The following SLIT3 variants were observed in gnomAD, a reference collection of about 807,000 sequenced individuals.
SLIT3 encodes slit guidance ligand 3.
SLIT3 carries 68 observed loss-of-function variants against 184.0 expected under a neutral mutation model. That is an observed-to-expected ratio of 0.37 (90% CI 0.30 to 0.45). The LOEUF (loss-of-function observed/expected upper bound fraction) is 0.45, where lower values mean the gene tolerates loss of function less well. Among genes scored for constraint, SLIT3 ranks in the 20% least tolerant of loss-of-function variants. SLIT3 has a pLI of 1.00. For synonymous variants in SLIT3, 831 were observed against 828.6 expected, an observed-to-expected ratio of 1.00 and a Z score of -0.05; for missense variants, 1,707 against 2,026.0, an observed-to-expected ratio of 0.84 and a Z score of 3.02.
In SLIT3 at chr5:169,071,510, A is replaced by G. The variant is rs551143200; in HGVS notation, c.413+121969T>C. On this transcript the variant is annotated intron_variant, in intron 4 of 35. Transcript: ENST00000519560. The stretch of plus-strand genomic sequence containing the variant: ...TGGAGGGCACCCAGAGCGATAAATG[A>G]CTATAGTGGAAAAATGTATTATGAG... Among the ~76,000 whole-genome samples the G allele has an allele frequency of 4.6e-5, 7 of 152,318 alleles. No homozygotes were observed. In the South Asian group the frequency reaches 1.4e-3, roughly 32 times the overall value.
At chr5:168,866,221 T>A (rs1229617462) in intron 5 of SLIT3, among the ~76,000 whole-genome samples, 1 of 152,196 alleles carries the variant, frequency 6.6e-6, no homozygotes, top group African/African-American at 2.4e-5. Flanking sequence ...ATCCTCAGCT[T>A]GTAGGCCACT....
chr5:168,718,155 T>C (rs1304915714), intron 23 of SLIT3: 1 of 135,480 alleles, frequency 7.4e-6, no homozygotes, highest in African/African-American at 3.2e-5. Context: ...GATGCTCTAA[T>C]AGCTGGTCAA....
intron 4 of SLIT3, among the ~76,000 whole-genome samples, chr5:168,963,343 TG>T (rs1208001007): frequency 1.9e-4 from 29 of 152,304 alleles, no homozygotes; most frequent in African/African-American, 6.5e-4. Context: ...AGCTGATTTT[TG>T]TATTTTTAGT....
chr5:168,751,886 C>T (rs1754729056), intron 18 of SLIT3, among the ~76,000 whole-genome samples: 1 of 152,096 alleles, frequency 6.6e-6, no homozygotes, highest in African/African-American at 2.4e-5. Context: ...CACAGGTGTG[C>T]ACCACCACCA....
intron 20 of SLIT3, among the ~76,000 whole-genome samples, chr5:168,745,689 G>T: frequency 6.6e-6 from 1 of 152,214 alleles, no homozygotes; most frequent in Non-Finnish European, 1.5e-5. Context: ...TGGGATTACA[G>T]GCGTGAGCCA....
intron 5 of SLIT3, among the ~76,000 whole-genome samples, chr5:168,874,495 C>G (rs987697576): frequency 1.3e-5 from 2 of 152,218 alleles, no homozygotes; most frequent in African/African-American, 4.8e-5. Context: ...TCAACCTCTC[C>G]TTTTACGTAA....
chr5:168,844,668 AGGG>A lies in SLIT3; in HGVS notation c.486-16_486-14del. On this transcript the variant is annotated splice_polypyrimidine_tract_variant and intron_variant, in intron 5 of 35. Transcript: ENST00000519560. ...GTTGTCCAGTTGCCTGTGGAAAAGC[AGGG>A]GAGAGCATGAAGGCTGAGCGGGGGC... 2 of 1,613,956 alleles carry A rather than the reference AGGG, an allele frequency of 1.2e-6. No homozygotes were observed. Among genetic ancestry groups the A allele is most frequent in the South Asian group, 2.2e-5 (2 of 91,084 alleles).
intron 4 of SLIT3, among the ~76,000 whole-genome samples, chr5:169,048,586 C>T (rs1581350080): frequency 6.6e-6 from 1 of 152,162 alleles, no homozygotes; most frequent in Non-Finnish European, 1.5e-5. Context: ...ACCTAGTTTG[C>T]CTTACAGACT....
chr5:168,745,303 T>A lies in SLIT3; in HGVS notation c.2270+2999A>T, dbSNP rs139145146. 2.1e-3 allele frequency among the ~76,000 whole-genome samples: 318 copies of A among 152,336 alleles called. 3 individuals carry two copies. Among genetic ancestry groups the A allele is most frequent in the African/African-American group, 7.4e-3 (307 of 41,574 alleles). On this transcript the variant is annotated intron_variant, in intron 20 of 35. Coordinates refer to ENST00000519560, the MANE Select transcript of SLIT3 (RefSeq NM_003062.4). Reference sequence around the variant, plus strand: ...AAGAAATTGGTTTCTTGAAATGGAATCTACTTTTGGTGAAGATGCTGTGAA... The same window carrying A: ...AAGAAATTGGTTTCTTGAAATGGAAACTACTTTTGGTGAAGATGCTGTGAA...
intron 4 of SLIT3, among the ~76,000 whole-genome samples, chr5:169,086,539 C>T (rs1412373498): frequency 2.0e-5 from 3 of 152,164 alleles, no homozygotes; most frequent in African/African-American, 4.8e-5. Flanking sequence ...AAAAGAAATG[C>T]ACATTAGAAC....
chr5:169,027,073 G>C (rs1388981359), intron 4 of SLIT3, among the ~76,000 whole-genome samples: 3 of 152,188 alleles, frequency 2.0e-5, no homozygotes, highest in African/African-American at 7.2e-5. Context: ...ACTTAGGATG[G>C]TGGTTGAGTA....
chr5:168,893,439 A>G (rs1581186161), intron 4 of SLIT3, among the ~76,000 whole-genome samples: 3 of 152,122 alleles, frequency 2.0e-5, no homozygotes, highest in Non-Finnish European at 2.9e-5. Flanking sequence ...AACACTGTCA[A>G]TCTGAAATCC....
chr5:169,066,147 C>G (rs541582759), intron 4 of SLIT3, among the ~76,000 whole-genome samples: 5 of 152,296 alleles, frequency 3.3e-5, no homozygotes, highest in African/African-American at 9.6e-5. Context: ...AATGTAAAAA[C>G]TATTTTTGAG....
At chr5:169,253,160 A>T (rs1561768467) in intron 1 of SLIT3, among the ~76,000 whole-genome samples, 1 of 151,970 alleles carries the variant, frequency 6.6e-6, no homozygotes, top group Non-Finnish European at 1.5e-5. Flanking sequence ...AAACCTGCAG[A>T]CAGAAATCTG....
At chr5:168,892,169 A>G (rs1760487908) in intron 4 of SLIT3, among the ~76,000 whole-genome samples, 1 of 152,252 alleles carries the variant, frequency 6.6e-6, no homozygotes, top group African/African-American at 2.4e-5. Flanking sequence ...AACAGTTGAA[A>G]TTAATTTTAA....
rs138208926 is a variant in SLIT3, at chr5:168,806,935, C to T, written c.794-348G>A. ...TGGGACCACTTTCCCAGGATGCATC[C>T]TGGGGTTTTAGCTGGTATTGGACGC... On this transcript the variant is annotated intron_variant, in intron 8 of 35. Coordinates refer to ENST00000519560, the MANE Select transcript of SLIT3 (RefSeq NM_003062.4). Among the ~76,000 whole-genome samples the T allele has an allele frequency of 2.5e-3, 381 of 152,244 alleles. 2 individuals are homozygous for T. Among genetic ancestry groups the T allele is most frequent in the African/African-American group, 8.5e-3 (352 of 41,540 alleles).
chr5:169,166,748 T>G (rs1005677349), intron 4 of SLIT3, among the ~76,000 whole-genome samples: 1 of 152,128 alleles, frequency 6.6e-6, no homozygotes, highest in African/African-American at 2.4e-5. Flanking sequence ...AACTCCAGAA[T>G]GGAAGAAATG....
intron 4 of SLIT3, among the ~76,000 whole-genome samples, chr5:168,956,496 A>G (rs1466843600): frequency 6.6e-6 from 1 of 152,230 alleles, no homozygotes; most frequent in African/African-American, 2.4e-5. Flanking sequence ...CAGCTGATTC[A>G]TAAAGAATCA....
intron 4 of SLIT3, among the ~76,000 whole-genome samples, chr5:169,140,800 T>G (rs1172101563): frequency 6.6e-6 from 1 of 152,108 alleles, no homozygotes; most frequent in Non-Finnish European, 1.5e-5. Flanking sequence ...AGACCCTCTC[T>G]CAAAAAAGAA....
Sources: allele counts gnomAD v4.1 joint callset (sites outside exome capture counted in the v4.1 genomes callset), GRCh38; gene constraint gnomAD v4.1.1; transcripts MANE v1.5; gene names NCBI Gene and HGNC (gene_info 2026-07-23, HGNC 2026-07-21).